The following TFR2 variants were observed in gnomAD, a reference collection of about 807,000 sequenced individuals.
The protein encoded by TFR2 is transferrin receptor 2, also known as transferrin receptor protein 2.
Under a neutral mutation model 91.9 loss-of-function variants are expected in TFR2, and 64 were observed. The observed-to-expected ratio is 0.70, with a 90% CI of 0.57 to 0.86. TFR2 has a LOEUF of 0.86. Ranked by LOEUF, TFR2 falls within the 40% of genes least tolerant of loss-of-function variation. TFR2 has a pLI of 0.00. For synonymous variants in TFR2, 454 were observed against 459.6 expected (o/e 0.99, Z 0.15); for missense variants, 950 against 1,080.5 (o/e 0.88, Z 1.69).
Position 100,629,374 on chromosome 7 carries a change from T to C in TFR2, c.1271-2A>G, listed in dbSNP as rs1803364160. The C allele has an allele frequency of 6.2e-7, 1 of 1,613,740 alleles. No individual in the cohort carries two copies. Among genetic ancestry groups the C allele is most frequent in the Non-Finnish European group, 8.5e-7 (1 of 1,179,834 alleles). ...GGGCCCCGATGACAACGTAGTGATC[T>C]GGGGAGGGGATGTTTGGGACCCACT... is the stretch of plus-strand genomic sequence containing the variant. On this transcript the variant is annotated splice_acceptor_variant, in intron 9 of 17. Coordinates refer to ENST00000223051, the MANE Select transcript of TFR2 (RefSeq NM_003227.4). LOFTEE classifies it high-confidence loss of function.
rs1803282012 is a variant in TFR2 at position 100,627,042 on chromosome 7, A to G, written c.1996-139T>C. 2.9e-6 allele frequency: 4 copies of G among 1,386,884 alleles called. No homozygotes were observed. The African/African-American group carries it at 4.3e-5, about 15-fold the overall frequency. 85.9% of individuals were successfully genotyped at this position (1,386,884 alleles called of 1,614,324 possible). ...GGAGGGAGGAGGTAGACGAGGACAG[A>G]GTGCTGGAGGCAGGATGAAGGGAGT... On this transcript the variant is annotated intron_variant, in intron 16 of 17. Transcript: ENST00000223051.
Position 100,640,538 on chromosome 7 carries a change from C to G in TFR2, c.473+148G>C, listed in dbSNP as rs550704549. The stretch of plus-strand genomic sequence containing the variant: ...GAATGCCTGCCATCCTTCCCAGGAC[C>G]GCTGAACAGGGGGGCCAGGAAGGCA... On this transcript the variant is annotated intron_variant, in intron 3 of 17. Coordinates refer to ENST00000223051, the MANE Select transcript of TFR2 (RefSeq NM_003227.4). 4.6e-6 allele frequency: 4 copies of G among 867,176 alleles called. No individual in the cohort carries two copies. In the East Asian group the frequency reaches 1.1e-4, roughly 23 times the overall value. The allele number at this position is 867,176 out of a possible 1,614,324, so 53.7% of individuals were successfully genotyped here. A position where few individuals can be genotyped will look rare whatever the true frequency, so the allele number is the denominator to read the frequency against.
intron 9 of TFR2, among the ~76,000 whole-genome samples, chr7:100,630,447 G>A (rs1203362729): frequency 6.6e-6 from 1 of 152,018 alleles, no homozygotes; most frequent in East Asian, 1.9e-4. Context: ...ATGCCACCGG[G>A]CCCAGCTAAT....
rs374411914 is a variant in TFR2 at position 100,621,187 on chromosome 7, G to A, written c.2137-61C>T. Reference sequence around the variant, plus strand: ...CTCTGGCTCGGGAGCAAAGGCCCGAGTCACCCTTCCCGCCAGCCAGTCTTT... The same window carrying A: ...CTCTGGCTCGGGAGCAAAGGCCCGAATCACCCTTCCCGCCAGCCAGTCTTT... On this transcript the variant is annotated intron_variant, in intron 17 of 17. Transcript: ENST00000223051. 1.8e-5 allele frequency: 26 copies of A among 1,431,650 alleles called. No homozygotes were observed. In the African/African-American group the frequency reaches 2.6e-4, roughly 14 times the overall value. The allele number at this position is 1,431,650 out of a possible 1,614,324, so 88.7% of individuals were successfully genotyped here. A position where few individuals can be genotyped will look rare whatever the true frequency, so the allele number is the denominator to read the frequency against.
At position 100,641,128 on chromosome 7, in the gene TFR2, G is replaced by A. The variant is rs769555821; in HGVS notation, c.134C>T (p.Ala45Val). Residue 45 changes from alanine to valine, a missense_variant, in exon 2 of 18, where the codon GCG becomes GTG. Physicochemically the swap from Ala to Val is moderately conservative, Grantham distance 64. Coordinates refer to ENST00000223051, the MANE Select transcript of TFR2 (RefSeq NM_003227.4). ...EEEEEDGEEG[A>V]ETLAHFCPME... ...GGGGCAGAAGTGGGCCAATGTCTCC[G>A]CCCCCTCCTCCCCGTCTTCCTCTTC... The A allele has an allele frequency of 1.0e-5, 16 of 1,566,260 alleles. No individual in the cohort carries two copies. The East Asian group carries it at 2.8e-4, about 27-fold the overall frequency.
Position 100,628,273 on chromosome 7 carries a change from CTGA to C in TFR2, c.1421_1423del (p.Ile474del). 6.2e-7 allele frequency: 1 copy of C among 1,613,984 alleles called. No individual in the cohort carries two copies. Among genetic ancestry groups the C allele is most frequent in the South Asian group, 1.1e-5 (1 of 91,078 alleles). The stretch of plus-strand genomic sequence containing the variant: ...GCTTCCAAAGTCACCACCGTCCCAG[CTGA>C]TGAAGAGGAGACTTCTGCGGGGCCG... On this transcript the variant is annotated inframe_deletion, in exon 11 of 18. Transcript: ENST00000223051.
In TFR2 at chr7:100,621,821, G is replaced by A. The variant is rs146080208; in HGVS notation, c.2137-695C>T. 7.8e-3 allele frequency among the ~76,000 whole-genome samples: 1,183 copies of A among 152,178 alleles called. 25 individuals carry two copies. The highest frequency in any genetic ancestry group is 0.027 in the African/African-American group (1,117 of 41,504). ...GCTGCTGTTCCGTCTTTCCTGAGAC[G>A]GCCTTGCTCCTGACCTAATCTCCTC... is the stretch of plus-strand genomic sequence containing the variant. On this transcript the variant is annotated intron_variant, in intron 17 of 17. Coordinates refer to ENST00000223051, the MANE Select transcript of TFR2 (RefSeq NM_003227.4).
At chr7:100,634,927 T>C (rs2131322553) in intron 3 of TFR2, among the ~76,000 whole-genome samples, 1 of 152,194 alleles carries the variant, frequency 6.6e-6, no homozygotes, top group East Asian at 1.9e-4. Context: ...TTTTCTTTTC[T>C]TTTTTCTTTC....
At chr7:100,627,850 C>T (rs763454180) in intron 13 of TFR2, 30 bp from the exon 14 acceptor site, 5 of 1,614,110 alleles carry the variant, frequency 3.1e-6, no homozygotes, top group Non-Finnish European at 3.4e-6. Context: ...ACTGATCAGG[C>T]TCTGCTCCTC....
chr7:100,633,636 T>G (rs1803514966), intron 3 of TFR2, 80 bp from the exon 4 acceptor site: 1 of 1,371,608 alleles, frequency 7.3e-7, no homozygotes. Context: ...AGACGTGGGG[T>G]CGCCAGGGGC....
intron 16 of TFR2, 117 bp from the exon 17 acceptor site, chr7:100,627,020 GGGA>G (rs1364159069): frequency 8.4e-6 from 12 of 1,432,794 alleles, no homozygotes; most frequent in Non-Finnish European, 1.1e-5. Context: ...GGCCGCAGGA[GGGA>G]GGAGGTAGAC....
At position 100,631,802 on chromosome 7, in the gene TFR2, T is replaced by G; in HGVS notation, c.1106+4A>C. ...CCTCTTCTGGTCCCCAACACTCCCC[T>G]CACCTCAGCAGGCGGGAGGCAATGT... On this transcript the variant is annotated splice_donor_region_variant and intron_variant, in intron 8 of 17. Coordinates refer to ENST00000223051, the MANE Select transcript of TFR2 (RefSeq NM_003227.4). 1 of 1,611,952 alleles carries G rather than the reference T, an allele frequency of 6.2e-7. No homozygotes were observed. Among genetic ancestry groups the G allele is most frequent in the Non-Finnish European group, 8.5e-7 (1 of 1,178,796 alleles).
intron 3 of TFR2, among the ~76,000 whole-genome samples, chr7:100,637,720 G>A (rs1047375219): frequency 6.6e-6 from 1 of 152,124 alleles, no homozygotes. Context: ...GGCTGAGATG[G>A]GAGAATCACC....
In TFR2 at chr7:100,626,860, T is replaced by TC. The variant is rs1562837669; in HGVS notation, c.2038dup (p.Asp680GlyfsTer112). 1 of 1,547,142 alleles carries TC rather than the reference T, an allele frequency of 6.5e-7. No individual in the cohort carries two copies. On this transcript the variant is annotated frameshift_variant, in exon 17 of 18. Coordinates refer to ENST00000223051, the MANE Select transcript of TFR2 (RefSeq NM_003227.4). LOFTEE classifies it high-confidence loss of function. Reference sequence around the variant, plus strand: ...CAGCTTTTCCGCCGCCCGGATGTAGTCCCCCCGCGCCGAGTACACCCACTG... The same window carrying TC: ...CAGCTTTTCCGCCGCCCGGATGTAGTCCCCCCCGCGCCGAGTACACCCACTG...
chr7:100,626,748 A>C lies in TFR2; in HGVS notation c.2136+15T>G. 2.0e-6 allele frequency: 3 copies of C among 1,463,714 alleles called. No individual in the cohort carries two copies. Among genetic ancestry groups the C allele is most frequent in the Non-Finnish European group, 2.7e-6 (3 of 1,092,854 alleles). 90.7% of individuals were successfully genotyped at this position (1,463,714 alleles called of 1,614,324 possible). ...GCGGGACACTGGGGGCGGGGCGAGG[A>C]GGGCGGGGCCTCACCCGCATTATGC... On this transcript the variant is annotated intron_variant, in intron 17 of 17. Transcript: ENST00000223051.
chr7:100,636,468 G>C (rs1049123434), intron 3 of TFR2, among the ~76,000 whole-genome samples: 7 of 152,014 alleles, frequency 4.6e-5, no homozygotes, highest in Non-Finnish European at 8.8e-5. Flanking sequence ...GAGCCACTGT[G>C]CCTGGCCCGT....
intron 3 of TFR2, among the ~76,000 whole-genome samples, chr7:100,634,176 C>A (rs1474510300): frequency 1.4e-5 from 1 of 73,462 alleles, no homozygotes; most frequent in South Asian, 4.6e-4. Flanking sequence ...CTCCCGACGT[C>A]AACACACACA....
chr7:100,627,398 C>T lies in TFR2; in HGVS notation c.1861G>A (p.Ala621Thr), dbSNP rs1425852957. 2.6e-6 allele frequency: 4 copies of T among 1,564,974 alleles called. No homozygotes were observed. Among genetic ancestry groups the T allele is most frequent in the Non-Finnish European group, 3.5e-6 (4 of 1,154,724 alleles). ...AGCTGCCCTGCGAGCTGGGCCACGG[C>T]CTGGGCCACGGCGGGCAGGCGGCCT... ...LQGRLPAVAQAVAQLAGQLLI... is the reference protein window; with the variant it reads ...LQGRLPAVAQTVAQLAGQLLI... The change falls in exon 16 of 18, where the codon GCC becomes ACC. Residue 621 changes from alanine to threonine, a missense_variant. Physicochemically the swap from Ala to Thr is moderately conservative, Grantham distance 58. Transcript: ENST00000223051.
Position 100,640,685 on chromosome 7 carries a change from C to G in TFR2, c.473+1G>C. ...ACAGGATGGGGCAGGGCCATCCCTA[C>G]CTGATGGTGTCCTCCAGGCGCCCCT... On this transcript the variant is annotated splice_donor_variant, in intron 3 of 17. Coordinates refer to ENST00000223051, the MANE Select transcript of TFR2 (RefSeq NM_003227.4). LOFTEE classifies it high-confidence loss of function. The G allele has an allele frequency of 6.2e-7, 1 of 1,612,222 alleles. No homozygotes were observed. The highest frequency in any genetic ancestry group is 1.3e-5 in the African/African-American group (1 of 75,020).
Sources: allele counts gnomAD v4.1 joint callset (sites outside exome capture counted in the v4.1 genomes callset), GRCh38; gene constraint gnomAD v4.1.1; transcripts MANE v1.5; gene names NCBI Gene and HGNC (gene_info 2026-07-23, HGNC 2026-07-21).